AZIN2: variants seen among roughly 807,000 people sequenced by gnomAD.
AZIN2 encodes the protein ODC antizyme inhibitor-2.
Under a neutral mutation model 47.8 loss-of-function variants are expected in AZIN2, and 28 were observed. The ratio of observed to expected loss-of-function variants is 0.59; its 90% CI spans 0.43 to 0.80. AZIN2 has a LOEUF of 0.80. AZIN2 is among the 30% of genes least tolerant of loss of function. AZIN2 has a pLI of 0.00. For missense variants in AZIN2, 535 were observed against 582.5 expected (o/e 0.92, Z 0.84); for synonymous variants, 221 against 239.4 (o/e 0.92, Z 0.71).
intron 10 of AZIN2, among the ~76,000 whole-genome samples, chr1:33,115,702 CA>C (rs1304421942): frequency 6.6e-6 from 1 of 151,506 alleles, no homozygotes; most frequent in Non-Finnish European, 1.5e-5. Flanking sequence ...GACTCTGTCT[CA>C]AAAAAAAGTT....
chr1:33,091,180 A>G (rs1359290102), intron 5 of AZIN2, among the ~76,000 whole-genome samples: 3 of 152,144 alleles, frequency 2.0e-5, no homozygotes, highest in Non-Finnish European at 4.4e-5. Context: ...TCTCTTTTAC[A>G]TATTGACTTC....
chr1:33,147,733 G>A, the AZIN2 span: 3 of 1,605,474 alleles, frequency 1.9e-6, no homozygotes, highest in African/African-American at 4.0e-5. This position sits in a 1 kb window ranked among gnomAD's most constrained non-coding sequence, Gnocchi z 8.1. Context: ...TGGCACTGTG[G>A]GGGTTGGAGG....
In AZIN2 at chr1:33,082,352, A is replaced by T. The variant is rs937141874; in HGVS notation, c.103A>T (p.Thr35Ser). Residue 35 changes from threonine to serine, a missense_variant and splice_region_variant, in exon 4 of 12, where the codon ACG becomes TCG. Physicochemically the swap from Thr to Ser is moderately conservative, Grantham distance 58. Transcript: ENST00000294517. The stretch of plus-strand genomic sequence containing the variant: ...CACTCTGGGGGCCTCACAGGCCACC[A>T]CGGTGAGGGGCTGGGAATGGGGGTG... ...ELTLGASQAT[T>S]DEVAAFFVAD... is the part of the protein sequence containing the mutation. 1 of 1,612,498 alleles carries T rather than the reference A, an allele frequency of 6.2e-7. No individual in the cohort carries two copies. The highest frequency in any genetic ancestry group is 8.5e-7 in the Non-Finnish European group (1 of 1,179,232).
At chr1:33,093,805 T>C (rs1009262799) in intron 7 of AZIN2, among the ~76,000 whole-genome samples, 8 of 151,576 alleles carry the variant, frequency 5.3e-5, no homozygotes, top group African/African-American at 1.9e-4. Flanking sequence ...ATCATGGTTT[T>C]CTGCAGCCTT....
At chr1:33,151,709 C>T in the AZIN2 span, among the ~76,000 whole-genome samples, 2 of 152,354 alleles carry the variant, frequency 1.3e-5, no homozygotes, top group East Asian at 1.9e-4. Context: ...CCCGTCTGGT[C>T]TCCAGGTGTG....
At chr1:33,157,568 G>A in the AZIN2 span, among the ~76,000 whole-genome samples, 1 of 151,976 alleles carries the variant, frequency 6.6e-6, no homozygotes, top group African/African-American at 2.4e-5. Flanking sequence ...CACACCCTAG[G>A]ATGTAAGATG....
the AZIN2 span, among the ~76,000 whole-genome samples, chr1:33,157,908 C>A: frequency 6.6e-6 from 1 of 152,154 alleles, no homozygotes; most frequent in Non-Finnish European, 1.5e-5. Flanking sequence ...AGGTGCACGC[C>A]ACCATGCCCA....
Position 33,094,809 on chromosome 1 carries a change from A to C in AZIN2, c.753+96A>C, listed in dbSNP as rs1465382254. ...AGGGAGACCACCGTGCGTGGGTCCT[A>C]TGCACTGCATGCAGTGCTTGGTGCT... On this transcript the variant is annotated intron_variant, in intron 8 of 11. Coordinates refer to ENST00000294517, the MANE Select transcript of AZIN2 (RefSeq NM_052998.4). 18 of 1,315,900 alleles carry C rather than the reference A, an allele frequency of 1.4e-5. No homozygotes were observed. The East Asian group carries it at 3.5e-4, about 25-fold the overall frequency. The allele number at this position is 1,315,900 out of a possible 1,614,324, so 81.5% of individuals were successfully genotyped here.
downstream of AZIN2, among the ~76,000 whole-genome samples, chr1:33,123,738 C>A (rs1644835466): frequency 6.6e-6 from 1 of 152,198 alleles, no homozygotes; most frequent in African/African-American, 2.4e-5. Context: ...GTGGCTTACG[C>A]CTATAATTCT....
the AZIN2 span, among the ~76,000 whole-genome samples, chr1:33,157,185 G>A: frequency 6.6e-6 from 1 of 152,170 alleles, no homozygotes; most frequent in Non-Finnish European, 1.5e-5. Context: ...CCCTCGTGGT[G>A]TCTGGCCACT....
chr1:33,098,496 T>C (rs1379814438), intron 10 of AZIN2, among the ~76,000 whole-genome samples: 3 of 152,232 alleles, frequency 2.0e-5, no homozygotes, highest in Admixed American at 6.5e-5. Flanking sequence ...CCAATCTAAC[T>C]CTAGTGGTTG....
chr1:33,083,910 C>T (rs375138247), intron 4 of AZIN2, 44 bp from the exon 5 acceptor site: 219 of 1,608,632 alleles, frequency 1.4e-4, no homozygotes, highest in Non-Finnish European at 1.7e-4. Context: ...GCACAGGGTG[C>T]GAGCTGGATG....
At chr1:33,083,199 ACT>A (rs1336126176) in intron 4 of AZIN2, 1 of 153,600 alleles carries the variant, frequency 6.5e-6, no homozygotes, top group East Asian at 1.9e-4. Flanking sequence ...GAACAACAGT[ACT>A]GTTTGGTCAT....
At chr1:33,128,091 C>G (rs569634886), downstream of AZIN2, among the ~76,000 whole-genome samples, 1 of 151,128 alleles carries the variant, frequency 6.6e-6, no homozygotes, top group Non-Finnish European at 1.5e-5. Flanking sequence ...AGGTTGGGCA[C>G]GGTAGCTCAC....
At chr1:33,154,045 G>A in the AZIN2 span, among the ~76,000 whole-genome samples, 1 of 152,240 alleles carries the variant, frequency 6.6e-6, no homozygotes, top group African/African-American at 2.4e-5. Context: ...AGGAGAGTAA[G>A]AGTTGGCCAT....
At chr1:33,097,852 C>T (rs138423647) in intron 9 of AZIN2, among the ~76,000 whole-genome samples, 1 of 152,124 alleles carries the variant, frequency 6.6e-6, no homozygotes, top group Admixed American at 6.5e-5. Flanking sequence ...GCATCCTGGG[C>T]AGGTTGCTTG....
the AZIN2 span, among the ~76,000 whole-genome samples, chr1:33,139,082 G>GT: frequency 6.6e-6 from 1 of 152,232 alleles, no homozygotes. Flanking sequence ...TTTCTACTGT[G>GT]TTTATTTTCA....
intron 10 of AZIN2, among the ~76,000 whole-genome samples, chr1:33,103,046 G>A (rs1444670672): frequency 6.6e-6 from 1 of 151,876 alleles, no homozygotes; most frequent in Non-Finnish European, 1.5e-5. Flanking sequence ...TTCCTCTGTC[G>A]CCACCCTAAT....
chr1:33,114,130 T>A (rs1437779313), intron 10 of AZIN2, among the ~76,000 whole-genome samples: 1 of 150,050 alleles, frequency 6.7e-6, no homozygotes, highest in East Asian at 1.9e-4. Flanking sequence ...ATTCTTTTCT[T>A]TTTTTTTTTG....
Sources: allele counts gnomAD v4.1 joint callset (sites outside exome capture counted in the v4.1 genomes callset), GRCh38; gene constraint gnomAD v4.1.1; non-coding constraint Gnocchi (gnomAD v3.1); transcripts MANE v1.5; gene names NCBI Gene and HGNC (gene_info 2026-07-23, HGNC 2026-07-21).